Variants in SAMD5 observed in about 807,000 individuals in gnomAD.
The protein encoded by SAMD5 is sterile alpha motif domain-containing protein 5.
In SAMD5, 13 loss-of-function variants were observed where a neutral mutation model predicts 11.3. The observed-to-expected ratio is 1.15, with a 90% CI of 0.75 to 1.83. The LOEUF is 1.83. SAMD5 is among the 40% of genes most tolerant of loss of function. SAMD5 has a pLI of 0.00. For synonymous variants in SAMD5, 129 were observed against 111.3 expected (o/e 1.16, Z -1.00); for missense variants, 255 against 239.1 (o/e 1.07, Z -0.44).
At chr6:147,882,190 A>G in the SAMD5 span, among the ~76,000 whole-genome samples, 1 of 152,096 alleles carries the variant, frequency 6.6e-6, no homozygotes, top group Non-Finnish European at 1.5e-5. Context: ...TCCTCTTATT[A>G]CTTGGCATTT....
intron 1 of SAMD5, among the ~76,000 whole-genome samples, chr6:147,532,917 G>C (rs2128441267): frequency 6.6e-6 from 1 of 152,292 alleles, no homozygotes; most frequent in South Asian, 2.1e-4. Flanking sequence ...ACTACCGAGA[G>C]GGCATTTTTA....
the SAMD5 span, among the ~76,000 whole-genome samples, chr6:147,904,109 C>T: frequency 1.3e-5 from 2 of 152,162 alleles, no homozygotes; most frequent in East Asian, 3.9e-4. Flanking sequence ...TACTAGCTGT[C>T]TCATTCCTGT....
At chr6:147,716,560 G>A (rs1791470342) in intron 1 of SAMD5, among the ~76,000 whole-genome samples, 1 of 152,196 alleles carries the variant, frequency 6.6e-6, no homozygotes. Flanking sequence ...AGCCACAGCT[G>A]CACCCAGGGA....
chr6:147,550,709 C>CA (rs11409388), intron 1 of SAMD5, among the ~76,000 whole-genome samples: 114,710 of 151,892 alleles, frequency 0.76, 43,968 homozygotes, highest in East Asian at 1. Flanking sequence ...AGAATGTGTA[C>CA]AATAGACCTA....
chr6:147,870,205 G>A, the SAMD5 span, among the ~76,000 whole-genome samples: 2 of 151,996 alleles, frequency 1.3e-5, no homozygotes, highest in Non-Finnish European at 2.9e-5. Flanking sequence ...GGGATAGCAA[G>A]GTAACACATA....
chr6:147,789,634 T>A, the SAMD5 span, among the ~76,000 whole-genome samples: 18 of 152,316 alleles, frequency 1.2e-4, no homozygotes, highest in East Asian at 3.3e-3. Context: ...TTATTATCAT[T>A]ACAGTCCATA....
the SAMD5 span, among the ~76,000 whole-genome samples, chr6:147,798,663 T>C: frequency 6.6e-6 from 1 of 152,026 alleles, no homozygotes; most frequent in African/African-American, 2.4e-5. Flanking sequence ...ATGTTGACAG[T>C]GGGGTGTTAA....
chr6:147,952,785 A>T, the SAMD5 span, among the ~76,000 whole-genome samples: 2 of 152,196 alleles, frequency 1.3e-5, no homozygotes, highest in Non-Finnish European at 2.9e-5. Flanking sequence ...AACTGCTGGG[A>T]TTACTGGCGT....
chr6:147,613,902 G>A (rs1297621018), intron 1 of SAMD5, among the ~76,000 whole-genome samples: 3 of 151,918 alleles, frequency 2.0e-5, no homozygotes, highest in Non-Finnish European at 4.4e-5. Context: ...AGTCTCTATC[G>A]GTCTGTGTCC....
At chr6:147,821,053 A>T in the SAMD5 span, among the ~76,000 whole-genome samples, 8 of 152,366 alleles carry the variant, frequency 5.3e-5, no homozygotes, top group South Asian at 2.1e-4. Context: ...ATGTAACTGC[A>T]GTGCCAGGCA....
chr6:147,836,313 G>A, the SAMD5 span, among the ~76,000 whole-genome samples: 5 of 152,048 alleles, frequency 3.3e-5, no homozygotes, highest in African/African-American at 7.3e-5. Context: ...CTACTTATGC[G>A]CTTTTGGAGT....
chr6:147,596,890 T>C (rs985597642), intron 1 of SAMD5, among the ~76,000 whole-genome samples: 1 of 152,232 alleles, frequency 6.6e-6, no homozygotes, highest in Admixed American at 6.5e-5. Context: ...GATGTTTCTT[T>C]ACATTTATTC....
At position 147,508,815 on chromosome 6, in the gene SAMD5, T is replaced by C; in HGVS notation, c.-114T>C. ...AGCCTTTCCTTTAAAAGGAAAACTT[T>C]ACTGCGATACCCTTTTCCCCTTGGA... On this transcript the variant is annotated 5_prime_UTR_variant, in exon 1 of 2. Transcript: ENST00000367474. The C allele has an allele frequency of 6.9e-7, 1 of 1,448,170 alleles. No individual in the cohort carries two copies. Among genetic ancestry groups the C allele is most frequent in the Non-Finnish European group, 9.1e-7 (1 of 1,101,068 alleles). The allele number at this position is 1,448,170 out of a possible 1,614,324, so 89.7% of individuals were successfully genotyped here.
intron 1 of SAMD5, among the ~76,000 whole-genome samples, chr6:147,632,856 AT>A (rs1218445460): frequency 6.6e-6 from 1 of 152,232 alleles, no homozygotes; most frequent in African/African-American, 2.4e-5. Flanking sequence ...GAATTTCTAC[AT>A]AAAAATTTGA....
At chr6:147,657,647 G>A (rs1790590230) in intron 1 of SAMD5, among the ~76,000 whole-genome samples, 1 of 152,204 alleles carries the variant, frequency 6.6e-6, no homozygotes, top group South Asian at 2.1e-4. Flanking sequence ...TGGAGGCTCG[G>A]AAGTCCAGGA....
intron 1 of SAMD5, among the ~76,000 whole-genome samples, chr6:147,624,892 A>G (rs1042074678): frequency 2.0e-5 from 3 of 151,680 alleles, no homozygotes; most frequent in Admixed American, 6.6e-5. Flanking sequence ...TAAAAAAAAA[A>G]CTATTAAAAA....
At chr6:147,529,604 A>G (rs1788396234) in intron 1 of SAMD5, among the ~76,000 whole-genome samples, 1 of 152,230 alleles carries the variant, frequency 6.6e-6, no homozygotes. Context: ...GAAGGTTTGC[A>G]TAAAGGAATA....
chr6:147,795,677 C>CA, the SAMD5 span, among the ~76,000 whole-genome samples: 13 of 150,260 alleles, frequency 8.7e-5, no homozygotes, highest in Non-Finnish European at 1.6e-4. Context: ...TTTACAGTCC[C>CA]ACCAACAGTG....
Position 147,565,056 on chromosome 6 carries a change from A to G in SAMD5, c.*600A>G. The G allele has an allele frequency of 1.0e-6, 1 of 978,740 alleles. No individual in the cohort carries two copies. The highest frequency in any genetic ancestry group is 1.7e-5 in the African/African-American group (1 of 57,220). 60.6% of individuals were successfully genotyped at this position (978,740 alleles called of 1,614,324 possible). The stretch of plus-strand genomic sequence containing the variant: ...GTATATTGGTACAATGTTAAAGGTG[A>G]TGAATTAAGGAACATCACCAAGAGA... On this transcript the variant is annotated 3_prime_UTR_variant, in exon 2 of 2. Coordinates refer to ENST00000367474, the MANE Select transcript of SAMD5 (RefSeq NM_001030060.3).
Sources: gnomAD v4.1 joint callset for allele counts (sites outside exome capture counted in the v4.1 genomes callset) on GRCh38, gnomAD v4.1.1 for gene constraint, MANE v1.5 for transcripts, NCBI Gene and HGNC (gene_info 2026-07-23, HGNC 2026-07-21) for gene names.